The following ARID5B variants were observed in gnomAD, a reference collection of about 807,000 sequenced individuals.
The protein encoded by ARID5B is AT-rich interaction domain 5B, also known as AT-rich interactive domain-containing protein 5B.
Under a neutral mutation model 97.2 loss-of-function variants are expected in ARID5B, and 13 were observed. That is an observed-to-expected ratio of 0.13 (90% confidence interval 0.09 to 0.21). ARID5B has a LOEUF of 0.21. Among genes scored for constraint, ARID5B ranks in the 10% least tolerant of loss-of-function variants. ARID5B has a pLI of 1.00. For missense variants in ARID5B, 1,210 were observed against 1,465.3 expected, an observed-to-expected ratio of 0.83 and a Z score of 2.84; for synonymous variants, 556 against 570.3, an observed-to-expected ratio of 0.97 and a Z score of 0.36.
intron 3 of ARID5B, among the ~76,000 whole-genome samples, chr10:61,948,815 C>A (rs1012824071): frequency 1.3e-5 from 2 of 152,208 alleles, no homozygotes; most frequent in African/African-American, 4.8e-5. Context: ...GGCTTGGCAT[C>A]CTCCAGATAC....
intron 3 of ARID5B, among the ~76,000 whole-genome samples, chr10:61,949,604 T>C (rs1448911183): frequency 2.0e-5 from 3 of 152,156 alleles, no homozygotes; most frequent in Non-Finnish European, 4.4e-5. Flanking sequence ...ACCATTGCAC[T>C]CCAGCCTTGG....
At chr10:61,944,075 T>A (rs1844461096) in intron 3 of ARID5B, among the ~76,000 whole-genome samples, 1 of 152,162 alleles carries the variant, frequency 6.6e-6, no homozygotes, top group East Asian at 1.9e-4. Context: ...TCTTCCCTCC[T>A]CTTTGTCCTT....
At chr10:61,967,518 G>A (rs575512547) in intron 3 of ARID5B, among the ~76,000 whole-genome samples, 1 of 152,306 alleles carries the variant, frequency 6.6e-6, no homozygotes, top group South Asian at 2.1e-4. Context: ...GCTGGCGATG[G>A]TTTGTTCACA....
Position 61,915,050 on chromosome 10 carries a change from T to C in ARID5B, c.276+12637T>C, listed in dbSNP as rs145586041. Among the ~76,000 whole-genome samples, 6 of 152,370 alleles carry C rather than the reference T, an allele frequency of 3.9e-5. No individual in the cohort carries two copies. In the East Asian group the frequency reaches 1.2e-3, roughly 29 times the overall value. The stretch of plus-strand genomic sequence containing the variant: ...AATTGAGTCTTTATGAAAGCTTCTT[T>C]CCTGCTCTTTAGGGACTTGCACAGT... On this transcript the variant is annotated intron_variant, in intron 2 of 9. Coordinates refer to ENST00000279873, the MANE Select transcript of ARID5B (RefSeq NM_032199.3).
intron 2 of ARID5B, among the ~76,000 whole-genome samples, chr10:61,921,388 T>C (rs1294056574): frequency 6.6e-6 from 1 of 152,190 alleles, no homozygotes; most frequent in Non-Finnish European, 1.5e-5. Context: ...ACCCACTCAC[T>C]TGCCTGTTGA....
rs1050212834 is a variant in ARID5B, at chr10:62,021,323, A to T, written c.733+21002A>T. ...TAGCATGTTATTCATTTATTGAGAA[A>T]TTTGGAATGTAAAACATCTGGGAAT... On this transcript the variant is annotated intron_variant, in intron 4 of 9. Coordinates refer to ENST00000279873, the MANE Select transcript of ARID5B (RefSeq NM_032199.3). 3.4e-3 allele frequency among the ~76,000 whole-genome samples: 512 copies of T among 152,242 alleles called. 5 individuals carry two copies. The highest frequency in any genetic ancestry group is 0.012 in the African/African-American group (505 of 41,550).
chr10:62,067,728 T>C (rs1459530847), intron 7 of ARID5B, among the ~76,000 whole-genome samples: 1 of 152,218 alleles, frequency 6.6e-6, no homozygotes, highest in South Asian at 2.1e-4. Flanking sequence ...TGGATCCTAG[T>C]TTTGGTACTC....
At chr10:62,051,932 AAACATGAGTT>A (rs1800823408) in intron 5 of ARID5B, among the ~76,000 whole-genome samples, 1 of 152,190 alleles carries the variant, frequency 6.6e-6, no homozygotes, top group Non-Finnish European at 1.5e-5. Flanking sequence ...AGAAAAAAAA[AAACATGAGTT>A]AAGTTCTGTG....
chr10:62,066,571 G>A (rs1424271636), intron 7 of ARID5B, among the ~76,000 whole-genome samples: 1 of 152,158 alleles, frequency 6.6e-6, no homozygotes, highest in East Asian at 1.9e-4. Context: ...CTAGGGGGCT[G>A]ACACAGACCC....
At chr10:62,045,411 G>A (rs932328945) in intron 4 of ARID5B, among the ~76,000 whole-genome samples, 3 of 151,398 alleles carry the variant, frequency 2.0e-5, no homozygotes, top group Non-Finnish European at 4.4e-5. Flanking sequence ...CCTCCCCCCC[G>A]AAAGAGCAAT....
chr10:62,072,242 C>T (rs1302353243), intron 8 of ARID5B, among the ~76,000 whole-genome samples: 1 of 152,188 alleles, frequency 6.6e-6, no homozygotes, highest in African/African-American at 2.4e-5. Flanking sequence ...TGCTGCCAGA[C>T]CTCAGAGGAC....
chr10:62,042,728 G>C (rs1476371022), intron 4 of ARID5B, among the ~76,000 whole-genome samples: 1 of 151,966 alleles, frequency 6.6e-6, no homozygotes, highest in Non-Finnish European at 1.5e-5. Context: ...TGGCTAACAC[G>C]GTGAAACCCC....
At chr10:61,978,591 T>G (rs1012847797) in intron 3 of ARID5B, among the ~76,000 whole-genome samples, 11 of 152,294 alleles carry the variant, frequency 7.2e-5, no homozygotes, top group Non-Finnish European at 1.2e-4. Context: ...TTGTAAGTTG[T>G]ATTCCTAGGT....
rs555019776 is a variant in ARID5B at position 61,913,116 on chromosome 10, C to T, written c.276+10703C>T. ...TTGGAAATTTGCACTGTGGAAAAGA[C>T]GCTGGTGATACAAGGCAAAAGGCAG... On this transcript the variant is annotated intron_variant, in intron 2 of 9. Transcript: ENST00000279873. Among the ~76,000 whole-genome samples the T allele has an allele frequency of 7.9e-5, 12 of 152,234 alleles. No individual in the cohort carries two copies. The East Asian group carries it at 1.9e-3, about 24-fold the overall frequency.
chr10:61,937,317 G>A (rs1034299676), intron 2 of ARID5B, among the ~76,000 whole-genome samples: 5 of 152,100 alleles, frequency 3.3e-5, no homozygotes, highest in African/African-American at 1.2e-4. Flanking sequence ...AGTTTCCCAA[G>A]TTTTAGAACA....
intron 8 of ARID5B, among the ~76,000 whole-genome samples, chr10:62,077,245 C>G (rs1470246472): frequency 6.6e-6 from 1 of 152,180 alleles, no homozygotes; most frequent in East Asian, 1.9e-4. Flanking sequence ...CTAAAATGCT[C>G]TGATAACTTT....
intron 3 of ARID5B, among the ~76,000 whole-genome samples, chr10:61,949,180 G>A (rs149834992): frequency 4.7e-4 from 72 of 152,286 alleles, no homozygotes; most frequent in African/African-American, 1.7e-3. Flanking sequence ...GTCTGTTTAA[G>A]CTATTCCAAC....
At chr10:62,040,058 A>G (rs1839615483) in intron 4 of ARID5B, among the ~76,000 whole-genome samples, 1 of 152,216 alleles carries the variant, frequency 6.6e-6, no homozygotes. Context: ...GGCTTACATT[A>G]TACCCGACCC....
rs1309469350 is a variant in ARID5B at position 62,062,114 on chromosome 10, T to A, written c.1101+2819T>A. Among the ~76,000 whole-genome samples, 4 of 152,322 alleles carry A rather than the reference T, an allele frequency of 2.6e-5. No individual in the cohort carries two copies. The East Asian group carries it at 7.7e-4, about 29-fold the overall frequency. On this transcript the variant is annotated intron_variant, in intron 7 of 9. Transcript: ENST00000279873. Reference sequence around the variant, plus strand: ...CATTTTTCTCTTGGCATATTTTGACTAATAAAACTGTGAGATGTTCAATGG... The same window carrying A: ...CATTTTTCTCTTGGCATATTTTGACAAATAAAACTGTGAGATGTTCAATGG...
Sources: gnomAD v4.1 joint callset for allele counts (sites outside exome capture counted in the v4.1 genomes callset) on GRCh38, gnomAD v4.1.1 for gene constraint, MANE v1.5 for transcripts, NCBI Gene and HGNC (gene_info 2026-07-23, HGNC 2026-07-21) for gene names.